DDX25: variants seen among roughly 807,000 people sequenced by gnomAD.
DDX25 encodes the protein ATP-dependent RNA helicase DDX25.
DDX25 carries 70 observed loss-of-function variants against 64.6 expected under a neutral mutation model. That is an observed-to-expected ratio of 1.08 (90% CI 0.89 to 1.32). DDX25 has a LOEUF of 1.32. DDX25 is among the 40% of genes most tolerant of loss of function. The probability of loss-of-function intolerance (pLI) is 0.00; values close to 1 mark genes in which losing one functional copy is unlikely to be tolerated. For missense variants in DDX25, 587 were observed against 604.4 expected, an observed-to-expected ratio of 0.97 and a Z score of 0.30; for synonymous variants, 211 against 213.3, an observed-to-expected ratio of 0.99 and a Z score of 0.09.
At chr11:125,910,759 C>T (rs1403388784) in intron 7 of DDX25, among the ~76,000 whole-genome samples, 2 of 152,124 alleles carry the variant, frequency 1.3e-5, no homozygotes, top group East Asian at 3.9e-4. Flanking sequence ...TGCAGGACAG[C>T]TTTTATTTTT....
chr11:125,911,581 T>C (rs1049416901), intron 8 of DDX25, 93 bp downstream of exon 8: 2 of 1,267,368 alleles, frequency 1.6e-6, no homozygotes, highest in Admixed American at 5.1e-5. Context: ...ATTGCTTAAC[T>C]CCTCACCACC....
intron 8 of DDX25, among the ~76,000 whole-genome samples, chr11:125,913,157 C>CAAAAAAA (rs1267424794): frequency 1.9e-4 from 13 of 68,494 alleles, no homozygotes; most frequent in African/African-American, 6.9e-4. Context: ...GACTCCATTT[C>CAAAAAAA]AAAAAAAAAA....
intron 6 of DDX25, among the ~76,000 whole-genome samples, chr11:125,909,687 C>T (rs1442935309): frequency 6.7e-6 from 1 of 148,716 alleles, no homozygotes; most frequent in African/African-American, 2.5e-5. Context: ...CTCACCCTGT[C>T]AACTAGGCTG....
Position 125,911,307 on chromosome 11 carries a change from C to T in DDX25, c.623-4C>T. The T allele has an allele frequency of 1.2e-6, 2 of 1,607,572 alleles. No homozygotes were observed. Among genetic ancestry groups the T allele is most frequent in the East Asian group, 4.5e-5 (2 of 44,732 alleles). On this transcript the variant is annotated splice_polypyrimidine_tract_variant and splice_region_variant and intron_variant, in intron 7 of 11. Transcript: ENST00000263576. The stretch of plus-strand genomic sequence containing the variant: ...AGGAGTGCTTAAAACCCTTTTCTCC[C>T]CAGTTCCCAGAGGCACCGACATCAC...
intron 11 of DDX25, 58 bp from the exon 12 acceptor site, chr11:125,922,762 A>G (rs572601084): frequency 6.8e-7 from 1 of 1,466,146 alleles, no homozygotes; most frequent in African/African-American, 1.4e-5. Context: ...TATGGATGGA[A>G]TGAAGTTCCA....
chr11:125,910,020 C>T (rs940704928), intron 6 of DDX25, among the ~76,000 whole-genome samples: 3 of 152,122 alleles, frequency 2.0e-5, no homozygotes, highest in Non-Finnish European at 4.4e-5. Flanking sequence ...TAATTTGCCT[C>T]GCATTCATTG....
chr11:125,920,446 A>AAG (rs1163671555), intron 10 of DDX25, among the ~76,000 whole-genome samples: 3 of 152,166 alleles, frequency 2.0e-5, no homozygotes, highest in Admixed American at 2.0e-4. Context: ...CAAAAAAAAA[A>AAG]AAGAAAAAAG....
At chr11:125,918,859 A>G in intron 10 of DDX25, 69 bp downstream of exon 10, 1 of 1,453,324 alleles carries the variant, frequency 6.9e-7, no homozygotes, top group South Asian at 1.4e-5. Flanking sequence ...TTAAGTGTAC[A>G]GTTTCGCGAG....
rs1482372810 is a variant in DDX25 at position 125,904,576 on chromosome 11, GCCAC to G, written c.60_63del (p.His21PhefsTer22). The stretch of plus-strand genomic sequence containing the variant: ...GCGGCGGAGAGCGAGCGGCTGAACA[GCCAC>G]GTAACCGCCACCGAGCCGGGGGGCC... On this transcript the variant is annotated frameshift_variant and splice_region_variant, in exon 1 of 12. Transcript: ENST00000263576. LOFTEE classifies it high-confidence loss of function. The G allele has an allele frequency of 6.7e-7, 1 of 1,490,054 alleles. No homozygotes were observed. The highest frequency in any genetic ancestry group is 8.9e-7 in the Non-Finnish European group (1 of 1,120,182). The allele number at this position is 1,490,054 out of a possible 1,614,324, so 92.3% of individuals were successfully genotyped here. A position where few individuals can be genotyped will look rare whatever the true frequency, so the allele number is the denominator to read the frequency against.
rs1945181406 is a variant in DDX25, at chr11:125,927,836, G to C, written c.*4955G>C. On this transcript the variant is annotated 3_prime_UTR_variant, in exon 12 of 12. Transcript: ENST00000263576. The stretch of plus-strand genomic sequence containing the variant: ...TAGTTAATCAGATGCTGTAGTTCTG[G>C]TTCTTGAATAACCAGGAGTTCAGAA... The C allele has an allele frequency of 6.6e-6, 1 of 152,096 alleles. No homozygotes were observed. Among genetic ancestry groups the C allele is most frequent in the South Asian group, 2.1e-4 (1 of 4,830 alleles). The allele number at this position is 152,096 out of a possible 1,614,324, so 9.4% of individuals were successfully genotyped here.
intron 7 of DDX25, 49 bp downstream of exon 7, chr11:125,910,527 A>T (rs1376671908): frequency 6.5e-7 from 1 of 1,528,780 alleles, no homozygotes. Context: ...TCCTGGCTTC[A>T]CCACGAATAA....
chr11:125,914,769 CTG>C, intron 8 of DDX25, among the ~76,000 whole-genome samples: 1 of 152,212 alleles, frequency 6.6e-6, no homozygotes, highest in Middle Eastern at 3.4e-3. Context: ...TGGAGTCTCA[CTG>C]TGTCACCCAG....
Position 125,923,188 on chromosome 11 carries a change from C to T in DDX25, c.*307C>T. ...GTTGATACAATCTGAGCAGATCGTG[C>T]CTCTTGGGAGCATCTTACTGTGTCA... On this transcript the variant is annotated 3_prime_UTR_variant, in exon 12 of 12. Transcript: ENST00000263576. The T allele has an allele frequency of 4.0e-6, 1 of 248,436 alleles. No individual in the cohort carries two copies. Among genetic ancestry groups the T allele is most frequent in the Non-Finnish European group, 7.7e-6 (1 of 129,586 alleles). The allele number at this position is 248,436 out of a possible 1,614,324, so 15.4% of individuals were successfully genotyped here. A position where few individuals can be genotyped will look rare whatever the true frequency, so the allele number is the denominator to read the frequency against.
chr11:125,920,598 G>A (rs1293880273), intron 10 of DDX25, among the ~76,000 whole-genome samples: 2 of 152,170 alleles, frequency 1.3e-5, no homozygotes, highest in Non-Finnish European at 1.5e-5. Flanking sequence ...TGAATTGCTT[G>A]TACTTTTCCT....
rs683323 is a variant in DDX25 at position 125,917,584 on chromosome 11, A to C, written c.1038+333A>C. Among the ~76,000 whole-genome samples, 104,700 of 152,040 alleles carry C rather than the reference A, an allele frequency of 0.69. 36,214 individuals carry two copies. The highest frequency in any genetic ancestry group is 0.73 in the Admixed American group (11,199 of 15,264). On this transcript the variant is annotated intron_variant, in intron 9 of 11. Coordinates refer to ENST00000263576, the MANE Select transcript of DDX25 (RefSeq NM_013264.5). Reference sequence around the variant, plus strand: ...GAAGGATGTTATTCACTATTAACAAAACCCCGTTTTTATGTTTGTTTTTTG... The same window carrying C: ...GAAGGATGTTATTCACTATTAACAACACCCCGTTTTTATGTTTGTTTTTTG...
At chr11:125,908,793 A>C (rs535113773) in intron 6 of DDX25, among the ~76,000 whole-genome samples, 9 of 152,338 alleles carry the variant, frequency 5.9e-5, no homozygotes, top group Admixed American at 5.9e-4. Flanking sequence ...TAGCATCTGT[A>C]AAGGAATGTA....
At chr11:125,912,567 TATA>T in intron 8 of DDX25, among the ~76,000 whole-genome samples, 1 of 152,302 alleles carries the variant, frequency 6.6e-6, no homozygotes, top group African/African-American at 2.4e-5. Context: ...CTAGATTATT[TATA>T]ATGACAAGAA....
In DDX25 at chr11:125,917,182, A is replaced by G; in HGVS notation, c.969A>G (p.Lys323=). The G allele has an allele frequency of 1.2e-6, 2 of 1,611,712 alleles. No individual in the cohort carries two copies. Among genetic ancestry groups the G allele is most frequent in the Non-Finnish European group, 1.7e-6 (2 of 1,179,108 alleles). Reference sequence around the variant, plus strand: ...ATTACGTGCTGTGTGAGCACAGGAAAGACAAATACCAAGCTCTGTGCAACA... The same window carrying G: ...ATTACGTGCTGTGTGAGCACAGGAAGGACAAATACCAAGCTCTGTGCAACA... ...RQYYVLCEHR[K]DKYQALCNIY... The change falls in exon 9 of 12, where the codon AAA becomes AAG. Residue 323 remains lysine, a synonymous_variant. Coordinates refer to ENST00000263576, the MANE Select transcript of DDX25 (RefSeq NM_013264.5).
chr11:125,917,322 T>G, intron 9 of DDX25, 71 bp downstream of exon 9: 9 of 1,423,686 alleles, frequency 6.3e-6, no homozygotes, highest in Non-Finnish European at 8.6e-6. Flanking sequence ...CGACAATAAG[T>G]GCCCTAGAGC....
Sources: gnomAD v4.1 joint callset for allele counts (sites outside exome capture counted in the v4.1 genomes callset) on GRCh38, gnomAD v4.1.1 for gene constraint, MANE v1.5 for transcripts, NCBI Gene and HGNC (gene_info 2026-07-23, HGNC 2026-07-21) for gene names.